Variants in TGFB2 observed in about 807,000 individuals in gnomAD.
TGFB2 encodes transforming growth factor beta-2 proprotein.
TGFB2 carries 13 observed loss-of-function variants against 42.7 expected under a neutral mutation model. The observed-to-expected ratio is 0.30, with a 90% CI of 0.20 to 0.48. The LOEUF is 0.48. TGFB2 is among the 20% of genes least tolerant of loss of function. TGFB2 has a pLI of 0.99. For missense variants in TGFB2, 390 were observed against 517.5 expected (o/e 0.75, Z 2.39); for synonymous variants, 193 against 193.6 (o/e 1.00, Z 0.03).
At chr1:218,420,715 C>A (rs557640817) in intron 2 of TGFB2, among the ~76,000 whole-genome samples, 1 of 152,152 alleles carries the variant, frequency 6.6e-6, no homozygotes, top group East Asian at 1.9e-4. Flanking sequence ...TCTGCGTATG[C>A]CATACTGTAT....
At chr1:218,367,386 C>G (rs1657420956) in intron 1 of TGFB2, among the ~76,000 whole-genome samples, 1 of 152,120 alleles carries the variant, frequency 6.6e-6, no homozygotes, top group Non-Finnish European at 1.5e-5. Flanking sequence ...TTTTGTTCAA[C>G]CAGAGGCATT....
At chr1:218,400,175 T>G (rs1225588002) in intron 1 of TGFB2, among the ~76,000 whole-genome samples, 3 of 151,886 alleles carry the variant, frequency 2.0e-5, no homozygotes, top group Admixed American at 1.3e-4. Flanking sequence ...CTACAAAATT[T>G]GCAGAATCCT....
At chr1:218,378,624 G>C (rs1356934446) in intron 1 of TGFB2, among the ~76,000 whole-genome samples, 1 of 151,812 alleles carries the variant, frequency 6.6e-6, no homozygotes, top group Non-Finnish European at 1.5e-5. Flanking sequence ...TGTTCATTTT[G>C]CTGTTGAGAC....
intron 2 of TGFB2, among the ~76,000 whole-genome samples, chr1:218,415,377 T>G (rs1383796878): frequency 6.6e-6 from 1 of 152,032 alleles, no homozygotes. Context: ...TTCCACTCAC[T>G]CAGCTTGTGG....
intron 1 of TGFB2, among the ~76,000 whole-genome samples, chr1:218,401,124 T>C (rs548908265): frequency 2.0e-4 from 31 of 151,946 alleles, no homozygotes; most frequent in Non-Finnish European, 3.5e-4. Flanking sequence ...GCCCCTGTGC[T>C]GGCCACACGC....
intron 1 of TGFB2, among the ~76,000 whole-genome samples, chr1:218,373,134 C>T (rs1016882390): frequency 6.6e-6 from 1 of 152,044 alleles, no homozygotes; most frequent in Non-Finnish European, 1.5e-5. Flanking sequence ...GCTGAGATCG[C>T]GCCACTGCAC....
chr1:218,427,814 A>G (rs1303422674), intron 2 of TGFB2, among the ~76,000 whole-genome samples: 3 of 152,220 alleles, frequency 2.0e-5, no homozygotes. Flanking sequence ...GTGTCTTTAT[A>G]GCAGCATGAT....
intron 6 of TGFB2, among the ~76,000 whole-genome samples, chr1:218,440,637 T>C (rs1660122275): frequency 6.6e-6 from 1 of 152,212 alleles, no homozygotes; most frequent in Non-Finnish European, 1.5e-5. Context: ...ATAAAACTTT[T>C]TATTCTTCTA....
chr1:218,379,891 C>T (rs1657900960), intron 1 of TGFB2, among the ~76,000 whole-genome samples: 1 of 152,154 alleles, frequency 6.6e-6, no homozygotes, highest in Non-Finnish European at 1.5e-5. Flanking sequence ...TGATAAGTAC[C>T]TATGTCTAGT....
chr1:218,382,006 G>A (rs1657978484), intron 1 of TGFB2, among the ~76,000 whole-genome samples: 1 of 152,168 alleles, frequency 6.6e-6, no homozygotes, highest in Non-Finnish European at 1.5e-5. Context: ...TAAATTTTAA[G>A]GGGATTCCTG....
chr1:218,397,339 G>A (rs1658554467), intron 1 of TGFB2, among the ~76,000 whole-genome samples: 1 of 151,512 alleles, frequency 6.6e-6, no homozygotes, highest in South Asian at 2.1e-4. Flanking sequence ...TAAGGCAGGC[G>A]GATCACGAGG....
chr1:218,347,627 A>G (rs930756268), intron 1 of TGFB2, among the ~76,000 whole-genome samples: 2 of 152,282 alleles, frequency 1.3e-5, no homozygotes, highest in African/African-American at 4.8e-5. Context: ...CGAGAAACCT[A>G]CCTGGCCCTC....
chr1:218,409,327 GT>G (rs1659020314), intron 2 of TGFB2, among the ~76,000 whole-genome samples: 1 of 152,226 alleles, frequency 6.6e-6, no homozygotes, highest in African/African-American at 2.4e-5. Context: ...AGCAATGCCT[GT>G]TGTGGACAAG....
intron 1 of TGFB2, among the ~76,000 whole-genome samples, chr1:218,393,263 A>G (rs912306724): frequency 1.3e-5 from 2 of 152,300 alleles, no homozygotes; most frequent in East Asian, 1.9e-4. Flanking sequence ...AGAATGTCCA[A>G]TGCTGAGCAA....
intron 2 of TGFB2, among the ~76,000 whole-genome samples, chr1:218,425,212 T>A (rs1306613955): frequency 6.6e-6 from 1 of 152,052 alleles, no homozygotes; most frequent in Non-Finnish European, 1.5e-5. Context: ...GTTTGTTTGT[T>A]TTTGTTTTTT....
At chr1:218,356,369 A>C (rs1657034869) in intron 1 of TGFB2, among the ~76,000 whole-genome samples, 1 of 151,802 alleles carries the variant, frequency 6.6e-6, no homozygotes, top group South Asian at 2.1e-4. Context: ...GGCATGCACC[A>C]CCATGCCTGG....
intron 5 of TGFB2, among the ~76,000 whole-genome samples, 180 bp downstream of exon 5, chr1:218,436,327 T>C (rs1005205343): frequency 1.6e-4 from 25 of 152,226 alleles, no homozygotes; most frequent in Middle Eastern, 3.2e-3. Context: ...ATCAGGTCTT[T>C]AGCAGTGAAC....
chr1:218,347,410 G>A (rs1217642563), intron 1 of TGFB2, among the ~76,000 whole-genome samples: 1 of 152,136 alleles, frequency 6.6e-6, no homozygotes, highest in Admixed American at 6.5e-5. Context: ...AGGAATCTTG[G>A]TAGGTTTGTT....
chr1:218,392,209 C>T (rs886694518), intron 1 of TGFB2, among the ~76,000 whole-genome samples: 4 of 152,108 alleles, frequency 2.6e-5, no homozygotes, highest in Non-Finnish European at 5.9e-5. Flanking sequence ...ATAAAATAGC[C>T]GGGTATGGTG....
Sources: allele counts gnomAD v4.1 joint callset (sites outside exome capture counted in the v4.1 genomes callset), GRCh38; gene constraint gnomAD v4.1.1; transcripts MANE v1.5; gene names NCBI Gene and HGNC (gene_info 2026-07-23, HGNC 2026-07-21).